Variants in PDZRN4 observed in about 807,000 individuals in gnomAD.
PDZRN4 encodes the protein PDZ domain-containing RING finger protein 4.
Under a neutral mutation model 99.0 loss-of-function variants are expected in PDZRN4, and 70 were observed. That is an observed-to-expected ratio of 0.71 (90% CI 0.58 to 0.86). PDZRN4 has a LOEUF of 0.86. Ranked by LOEUF, PDZRN4 falls within the 40% of genes least tolerant of loss-of-function variation. The pLI, the probability that PDZRN4 is intolerant of heterozygous loss-of-function variation, is 0.00. For synonymous variants in PDZRN4, 551 were observed against 501.6 expected (o/e 1.10, Z -1.32); for missense variants, 1,474 against 1,331.2 (o/e 1.11, Z -1.67).
chr12:41,533,688 G>T (rs541395565), intron 5 of PDZRN4, among the ~76,000 whole-genome samples: 1 of 152,000 alleles, frequency 6.6e-6, no homozygotes, highest in South Asian at 2.1e-4. Flanking sequence ...TGTTTCCTAC[G>T]CATTTTTTGT....
At chr12:41,264,645 A>C (rs1431355400) in intron 3 of PDZRN4, among the ~76,000 whole-genome samples, 1 of 152,148 alleles carries the variant, frequency 6.6e-6, no homozygotes, top group Non-Finnish European at 1.5e-5. Context: ...TTAATCTTTT[A>C]TTTATATTTA....
intron 3 of PDZRN4, among the ~76,000 whole-genome samples, chr12:41,369,094 T>C (rs946604835): frequency 1.3e-5 from 2 of 152,144 alleles, no homozygotes; most frequent in African/African-American, 2.4e-5. Context: ...TTTTTATGTG[T>C]CAAACTCAAC....
At chr12:41,207,485 T>C (rs1950859209) in intron 3 of PDZRN4, among the ~76,000 whole-genome samples, 1 of 151,864 alleles carries the variant, frequency 6.6e-6, no homozygotes, top group Non-Finnish European at 1.5e-5. Context: ...ATTAAATATC[T>C]TATAATGTGG....
chr12:41,368,886 A>G (rs1289542262), intron 3 of PDZRN4, among the ~76,000 whole-genome samples: 1 of 152,032 alleles, frequency 6.6e-6, no homozygotes, highest in East Asian at 1.9e-4. Flanking sequence ...CACGTTTCTT[A>G]TGGGTGCCTC....
chr12:41,237,834 T>C (rs1193759596), intron 3 of PDZRN4, among the ~76,000 whole-genome samples: 1 of 152,166 alleles, frequency 6.6e-6, no homozygotes, highest in Non-Finnish European at 1.5e-5. Context: ...TATGTGTCTG[T>C]TTTTGTAGCA....
intron 3 of PDZRN4, among the ~76,000 whole-genome samples, chr12:41,469,294 G>A (rs1051493522): frequency 1.3e-5 from 2 of 152,180 alleles, no homozygotes; most frequent in African/African-American, 4.8e-5. Flanking sequence ...TGTAATTCGT[G>A]AAATAATTGG....
At chr12:41,203,668 C>T (rs1310982900) in intron 3 of PDZRN4, among the ~76,000 whole-genome samples, 2 of 152,018 alleles carry the variant, frequency 1.3e-5, no homozygotes, top group Non-Finnish European at 2.9e-5. Context: ...GAGAGATCAA[C>T]TAATTTGCCA....
intron 1 of PDZRN4, among the ~76,000 whole-genome samples, 167 bp from the exon 2 acceptor site, chr12:41,191,291 G>T (rs990494463): frequency 3.3e-5 from 5 of 152,138 alleles, no homozygotes; most frequent in African/African-American, 1.2e-4. Context: ...TACTTGCAAA[G>T]TAAGTATAGG....
At chr12:41,563,253 G>T (rs1007239931) in intron 7 of PDZRN4, among the ~76,000 whole-genome samples, 2 of 152,128 alleles carry the variant, frequency 1.3e-5, no homozygotes, top group African/African-American at 4.8e-5. Flanking sequence ...AAAGATGAAC[G>T]TCACCTGTCA....
At position 41,567,911 on chromosome 12, in the gene PDZRN4, A is replaced by T. The variant is rs761799935; in HGVS notation, c.1584+12A>T. 6 of 1,402,478 alleles carry T rather than the reference A, an allele frequency of 4.3e-6. No individual in the cohort carries two copies. The highest frequency in any genetic ancestry group is 2.9e-5 in the African/African-American group (2 of 69,992). 86.9% of individuals were successfully genotyped at this position (1,402,478 alleles called of 1,614,324 possible). On this transcript the variant is annotated intron_variant, in intron 9 of 9. Coordinates refer to ENST00000402685, the MANE Select transcript of PDZRN4 (RefSeq NM_001164595.2). ...ATGAGGTGGAGCAGGTAGGGCCAAC[A>T]ATTTGAACTACATCATTTGATATGT... is the stretch of plus-strand genomic sequence containing the variant.
intron 3 of PDZRN4, among the ~76,000 whole-genome samples, chr12:41,199,951 G>A (rs1397935430): frequency 6.6e-6 from 1 of 152,054 alleles, no homozygotes; most frequent in Non-Finnish European, 1.5e-5. Flanking sequence ...TAAAAGCCCA[G>A]ACTTCACCAT....
intron 3 of PDZRN4, among the ~76,000 whole-genome samples, chr12:41,233,113 T>A (rs891148741): frequency 3.3e-5 from 5 of 151,950 alleles, no homozygotes; most frequent in Non-Finnish European, 7.4e-5. Context: ...AACAACCCCA[T>A]CAAAGTGGGT....
At chr12:41,514,278 T>C (rs948168275) in intron 5 of PDZRN4, among the ~76,000 whole-genome samples, 1 of 152,090 alleles carries the variant, frequency 6.6e-6, no homozygotes, top group Non-Finnish European at 1.5e-5. Context: ...TAAATCCTTG[T>C]GCTGTGCTGA....
intron 3 of PDZRN4, among the ~76,000 whole-genome samples, chr12:41,501,863 G>A (rs1938116821): frequency 3.3e-5 from 5 of 152,046 alleles, no homozygotes; most frequent in Admixed American, 3.3e-4. Context: ...GGTTTCCTAT[G>A]ATCAATTTTT....
chr12:41,189,746 C>A (rs944872109), intron 1 of PDZRN4, among the ~76,000 whole-genome samples: 1 of 152,148 alleles, frequency 6.6e-6, no homozygotes, highest in African/African-American at 2.4e-5. Flanking sequence ...CCTAAATAAG[C>A]CTTCCTTGCC....
intron 3 of PDZRN4, among the ~76,000 whole-genome samples, chr12:41,379,445 G>T (rs191026993): frequency 6.6e-6 from 1 of 150,962 alleles, no homozygotes; most frequent in African/African-American, 2.4e-5. Context: ...GTTTTGTAAG[G>T]TATAAAATTA....
intron 3 of PDZRN4, among the ~76,000 whole-genome samples, chr12:41,216,767 C>A (rs546633585): frequency 6.6e-6 from 1 of 151,942 alleles, no homozygotes; most frequent in Admixed American, 6.6e-5. Flanking sequence ...GAACACAGAC[C>A]AGATATCTGT....
At chr12:41,528,632 T>G (rs1938611332) in intron 5 of PDZRN4, among the ~76,000 whole-genome samples, 2 of 152,180 alleles carry the variant, frequency 1.3e-5, no homozygotes, top group South Asian at 2.1e-4. Context: ...TCCACTGCTT[T>G]TTAGCTCCAG....
At chr12:41,465,717 C>G (rs868343416) in intron 3 of PDZRN4, among the ~76,000 whole-genome samples, 69 of 152,318 alleles carry the variant, frequency 4.5e-4, no homozygotes, top group African/African-American at 1.5e-3. Flanking sequence ...CTCCCTTCCT[C>G]CAGTTCACTG....
Sources: allele counts gnomAD v4.1 joint callset (sites outside exome capture counted in the v4.1 genomes callset), GRCh38; gene constraint gnomAD v4.1.1; transcripts MANE v1.5; gene names NCBI Gene and HGNC (gene_info 2026-07-23, HGNC 2026-07-21).